The following CDKL5 variants were observed in gnomAD, a reference collection of about 807,000 sequenced individuals.
CDKL5 encodes cyclin dependent kinase like 5.
Under a neutral mutation model 61.7 loss-of-function variants are expected in CDKL5, and 8 were observed. That is an observed-to-expected ratio of 0.13 (90% CI 0.08 to 0.23). The LOEUF is 0.23. CDKL5 is among the 10% of genes least tolerant of loss of function. The pLI is 1.00. For missense variants in CDKL5, 440 were observed against 734.5 expected (o/e 0.60, Z 4.63); for synonymous variants, 275 against 272.3 (o/e 1.01, Z -0.10).
chrX:18,587,798 C>A, intron 8 of CDKL5, 156 bp from the exon 9 acceptor site: 1 of 506,230 alleles, frequency 2.0e-6, no homozygotes, highest in South Asian at 2.9e-5. Flanking sequence ...CACTTGTGTT[C>A]TGATGATTTG....
At chrX:18,565,843 CA>C (rs1023574025) in intron 4 of CDKL5, among the ~76,000 whole-genome samples, 1 of 111,309 alleles carries the variant, frequency 9.0e-6, no homozygotes, top group Non-Finnish European at 1.9e-5. Flanking sequence ...TCTGGGGGGA[CA>C]AAAAAATCTT....
Position 18,625,220 on chromosome X carries a change from C to T in CDKL5, c.2469C>T (p.Pro823=), listed in dbSNP as rs369377144. Residue 823 remains proline, a synonymous_variant, in exon 17 of 18, where the codon CCC becomes CCT. Coordinates refer to ENST00000623535, the MANE Select transcript of CDKL5 (RefSeq NM_001323289.2). ...TPSSRPKEWR[P]EKISDLQTQS... is the part of the protein sequence containing the mutation. ...GCAGCAGACCAAAGGAGTGGCGCCC[C>T]GAGAAGATCTCAGATCTGCAGACCC... The T allele has an allele frequency of 2.1e-5, 25 of 1,206,057 alleles. No individual in the cohort carries two copies. The highest frequency in any genetic ancestry group is 8.9e-5 in the African/African-American group (5 of 56,479).
At chrX:18,647,183 C>T (rs752870628) in intron 20 of CDKL5, 2 of 1,210,964 alleles carry the variant, frequency 1.7e-6, no homozygotes, top group East Asian at 5.9e-5. Flanking sequence ...TCCCCGGGCC[C>T]TGCTTACCCA....
intron 16 of CDKL5, among the ~76,000 whole-genome samples, chrX:18,624,277 C>A (rs1180762822): frequency 7.1e-5 from 8 of 112,129 alleles, no homozygotes; most frequent in Non-Finnish European, 1.5e-4. Flanking sequence ...TTTATAAAAG[C>A]CTGTATTTTA....
chrX:18,433,351 G>A (rs920626235), intron 1 of CDKL5, among the ~76,000 whole-genome samples: 6 of 111,745 alleles, frequency 5.4e-5, no homozygotes, highest in Non-Finnish European at 9.4e-5. Context: ...TCGGGAGTTC[G>A]AGACCAGCCT....
chrX:18,638,988 T>C lies in CDKL5; in HGVS notation c.*10231T>C, dbSNP rs1296759914. Reference sequence around the variant, plus strand: ...GTGGTGGGACAACTGGATATCCACATGCAAAAGAATGACGTTGGACTCCTA... The same window carrying C: ...GTGGTGGGACAACTGGATATCCACACGCAAAAGAATGACGTTGGACTCCTA... On this transcript the variant is annotated 3_prime_UTR_variant, in exon 18 of 18. Coordinates refer to ENST00000623535, the MANE Select transcript of CDKL5 (RefSeq NM_001323289.2). Among the ~76,000 whole-genome samples the C allele has an allele frequency of 8.9e-6, 1 of 111,968 alleles. No homozygotes were observed. The highest frequency in any genetic ancestry group is 3.2e-5 in the African/African-American group (1 of 30,807).
downstream of CDKL5, chrX:18,642,286 G>A (rs1927613381): frequency 2.9e-6 from 2 of 697,523 alleles, no homozygotes; most frequent in African/African-American, 2.1e-5. Context: ...GTTTGCGGGT[G>A]CCCCCCAAAA....
intron 3 of CDKL5, among the ~76,000 whole-genome samples, chrX:18,514,816 T>C (rs1457073853): frequency 9.0e-6 from 1 of 111,540 alleles, no homozygotes; most frequent in African/African-American, 3.3e-5. Flanking sequence ...TTTGGTTTTT[T>C]TTGTGACGAA....
intron 1 of CDKL5, among the ~76,000 whole-genome samples, chrX:18,447,666 T>G (rs1486195843): frequency 9.0e-6 from 1 of 110,718 alleles, no homozygotes; most frequent in African/African-American, 3.3e-5. Flanking sequence ...TTGTATTTCT[T>G]TCCCTCCCTC....
intron 20 of CDKL5, chrX:18,646,211 G>A: frequency 9.3e-7 from 1 of 1,077,923 alleles, no homozygotes; most frequent in Non-Finnish European, 1.3e-6. Flanking sequence ...GTGTGCAGTG[G>A]CACACAATCT....
At chrX:18,595,097 G>T (rs749849806) in intron 9 of CDKL5, among the ~76,000 whole-genome samples, 1 of 111,933 alleles carries the variant, frequency 8.9e-6, no homozygotes, top group South Asian at 3.8e-4. Context: ...CAGGAGAATC[G>T]CATGAACCCG....
intron 1 of CDKL5, among the ~76,000 whole-genome samples, chrX:18,449,868 C>T (rs988186762): frequency 3.7e-5 from 4 of 108,897 alleles, no homozygotes; most frequent in Non-Finnish European, 5.7e-5. Context: ...AATCTTGGCT[C>T]ACTGCAACCT....
At chrX:18,544,960 G>C (rs1440009023) in intron 3 of CDKL5, among the ~76,000 whole-genome samples, 1 of 111,519 alleles carries the variant, frequency 9.0e-6, no homozygotes, top group Non-Finnish European at 1.9e-5. Flanking sequence ...AAGTGCAGTG[G>C]CTCACACCTG....
chrX:18,510,138 C>CTTAA (rs1922773736), intron 2 of CDKL5, among the ~76,000 whole-genome samples: 1 of 109,789 alleles, frequency 9.1e-6, no homozygotes, highest in African/African-American at 3.3e-5. Flanking sequence ...GTCATTAGCT[C>CTTAA]TTAAGGTTTT....
intron 1 of CDKL5, among the ~76,000 whole-genome samples, chrX:18,486,387 T>C (rs1346103776): frequency 8.9e-6 from 1 of 112,216 alleles, no homozygotes; most frequent in African/African-American, 3.2e-5. Context: ...CACTAGTAGC[T>C]TGAACTTACA....
chrX:18,634,756 AATC>A lies in CDKL5; in HGVS notation c.*6002_*6004del. On this transcript the variant is annotated 3_prime_UTR_variant, in exon 18 of 18. Coordinates refer to ENST00000623535, the MANE Select transcript of CDKL5 (RefSeq NM_001323289.2). ...TAACAGAAACAATTAAACCAAACAA[AATC>A]ATTGCCCCAAATTTCTATCTCCAAG... The A allele has an allele frequency of 2.3e-5, 17 of 753,137 alleles. No homozygotes were observed. Among genetic ancestry groups the A allele is most frequent in the Non-Finnish European group, 2.5e-5 (16 of 638,986 alleles). 62.1% of individuals were successfully genotyped at this position (753,137 alleles called of 1,213,427 possible).
chrX:18,587,838 T>C (rs1925690506), intron 8 of CDKL5, 116 bp from the exon 9 acceptor site: 6 of 720,927 alleles, frequency 8.3e-6, no homozygotes, highest in South Asian at 2.3e-5. Flanking sequence ...CATGGAACTT[T>C]TTAATTTCAT....
chrX:18,602,810 T>C (rs1168854632), intron 11 of CDKL5, among the ~76,000 whole-genome samples: 4 of 111,989 alleles, frequency 3.6e-5, no homozygotes, highest in African/African-American at 9.7e-5. Context: ...CCAATTAGTG[T>C]GTCATGGGAA....
At position 18,629,711 on chromosome X, in the gene CDKL5, G is replaced by A; in HGVS notation, c.*954G>A. 1.3e-6 allele frequency: 1 copy of A among 754,095 alleles called. No homozygotes were observed. Among genetic ancestry groups the A allele is most frequent in the Non-Finnish European group, 1.6e-6 (1 of 639,233 alleles). 62.1% of individuals were successfully genotyped at this position (754,095 alleles called of 1,213,427 possible). On this transcript the variant is annotated 3_prime_UTR_variant, in exon 18 of 18. Transcript: ENST00000623535. ...AGCATCTCTTTCCAAACCTGCAGGG[G>A]AAGAAAGTCAGATAGGCCAGTGAGA...
Sources: gnomAD v4.1 joint callset for allele counts (sites outside exome capture counted in the v4.1 genomes callset) on GRCh38, gnomAD v4.1.1 for gene constraint, MANE v1.5 for transcripts, NCBI Gene and HGNC (gene_info 2026-07-23, HGNC 2026-07-21) for gene names.